The following GPC5 variants were observed in gnomAD, a reference collection of about 807,000 sequenced individuals.
The protein encoded by GPC5 is glypican 5, also known as glypican-5.
A neutral mutation model predicts 53.9 loss-of-function variants in GPC5; 47 were observed. That is an observed-to-expected ratio of 0.87 (90% CI 0.69 to 1.11). GPC5 has a LOEUF of 1.11. Among genes scored for constraint, GPC5 ranks in the 50% most tolerant of loss-of-function variants. The pLI is 0.00. For missense variants in GPC5, 748 were observed against 713.1 expected, an observed-to-expected ratio of 1.05 and a Z score of -0.56; for synonymous variants, 286 against 263.3, an observed-to-expected ratio of 1.09 and a Z score of -0.84.
intron 5 of GPC5, among the ~76,000 whole-genome samples, chr13:91,856,136 T>C (rs2038964489): frequency 6.6e-6 from 1 of 151,636 alleles, no homozygotes; most frequent in Admixed American, 6.6e-5. Context: ...TTTTCATTGC[T>C]AAGTAGTATT....
chr13:91,416,225 G>A (rs1381572494), intron 1 of GPC5, among the ~76,000 whole-genome samples: 1 of 152,082 alleles, frequency 6.6e-6, no homozygotes, highest in African/African-American at 2.4e-5. Context: ...TCCTTCAGAT[G>A]CCATTTTTAA....
At chr13:91,641,168 A>G (rs2139487462) in intron 2 of GPC5, among the ~76,000 whole-genome samples, 1 of 152,222 alleles carries the variant, frequency 6.6e-6, no homozygotes, top group South Asian at 2.1e-4. Context: ...TTTACTAAAA[A>G]TACAAAAAAA....
At chr13:92,177,365 T>A (rs900691407) in intron 7 of GPC5, among the ~76,000 whole-genome samples, 1 of 152,216 alleles carries the variant, frequency 6.6e-6, no homozygotes, top group Non-Finnish European at 1.5e-5. Context: ...TTTTCAAAGG[T>A]GTGTTAGCGT....
At chr13:92,818,230 G>A (rs542622740) in intron 7 of GPC5, among the ~76,000 whole-genome samples, 3 of 151,832 alleles carry the variant, frequency 2.0e-5, no homozygotes, top group East Asian at 1.9e-4. Context: ...GGCTGGTCTC[G>A]AACTCCTGAC....
At chr13:91,720,212 G>A (rs2036434326) in intron 3 of GPC5, among the ~76,000 whole-genome samples, 1 of 152,058 alleles carries the variant, frequency 6.6e-6, no homozygotes, top group Admixed American at 6.6e-5. Flanking sequence ...AATGATTTGT[G>A]TATTTCTTAT....
intron 2 of GPC5, among the ~76,000 whole-genome samples, chr13:91,596,773 C>T (rs113950598): frequency 6.9e-4 from 105 of 152,248 alleles, no homozygotes; most frequent in African/African-American, 2.3e-3. Flanking sequence ...TATGAGGTTT[C>T]CCAGTGTTGC....
At chr13:91,512,614 G>A (rs951548614) in intron 2 of GPC5, among the ~76,000 whole-genome samples, 1 of 152,202 alleles carries the variant, frequency 6.6e-6, no homozygotes, top group Admixed American at 6.5e-5. Flanking sequence ...TTGGTGTATA[G>A]GCCCTTAACG....
chr13:92,143,600 T>A (rs74106137), intron 6 of GPC5, among the ~76,000 whole-genome samples: 9,074 of 152,196 alleles, frequency 0.06, 799 homozygotes, highest in African/African-American at 0.19. Context: ...AAATAAGAAT[T>A]TAAAAATTAC....
intron 7 of GPC5, among the ~76,000 whole-genome samples, chr13:92,304,982 G>A (rs1249739426): frequency 6.6e-6 from 1 of 152,134 alleles, no homozygotes; most frequent in African/African-American, 2.4e-5. Context: ...ATGAGATCGG[G>A]TGCGTTCAGG....
chr13:91,442,496 C>A (rs1323219299), intron 1 of GPC5, among the ~76,000 whole-genome samples: 1 of 152,154 alleles, frequency 6.6e-6, no homozygotes, highest in East Asian at 1.9e-4. Context: ...ATCTCTAGAA[C>A]TTTATTTTGT....
intron 7 of GPC5, among the ~76,000 whole-genome samples, chr13:92,292,288 G>T (rs2043002293): frequency 6.6e-6 from 1 of 152,134 alleles, no homozygotes; most frequent in Non-Finnish European, 1.5e-5. Context: ...TTGTACTAGT[G>T]TACATTCCCA....
At chr13:92,677,675 C>T (rs1886992459) in intron 7 of GPC5, among the ~76,000 whole-genome samples, 1 of 152,150 alleles carries the variant, frequency 6.6e-6, no homozygotes, top group African/African-American at 2.4e-5. Context: ...AACAGACGTG[C>T]AGAGGCAAAA....
intron 7 of GPC5, among the ~76,000 whole-genome samples, chr13:92,293,787 T>G (rs2043014795): frequency 6.6e-6 from 1 of 152,146 alleles, no homozygotes; most frequent in African/African-American, 2.4e-5. Flanking sequence ...GAGGGAATGG[T>G]TTCAACTTTT....
chr13:92,513,831 G>T (rs75423663), intron 7 of GPC5, among the ~76,000 whole-genome samples: 13 of 152,120 alleles, frequency 8.5e-5, no homozygotes, highest in Non-Finnish European at 1.8e-4. Flanking sequence ...TAGTAATTTT[G>T]TTCACAAAAC....
At chr13:91,836,177 TA>T (rs544761086) in intron 5 of GPC5, among the ~76,000 whole-genome samples, 3 of 152,070 alleles carry the variant, frequency 2.0e-5, no homozygotes, top group Non-Finnish European at 4.4e-5. Context: ...ATGTTGTAAT[TA>T]AAAACTATTG....
At chr13:92,682,996 A>G (rs1332025280) in intron 7 of GPC5, among the ~76,000 whole-genome samples, 1 of 152,176 alleles carries the variant, frequency 6.6e-6, no homozygotes, top group Admixed American at 6.5e-5. Context: ...GACAAAACCC[A>G]GTGTAGTCAA....
intron 7 of GPC5, among the ~76,000 whole-genome samples, chr13:92,666,230 T>G (rs1345333176): frequency 6.6e-6 from 1 of 152,208 alleles, no homozygotes; most frequent in Non-Finnish European, 1.5e-5. Context: ...ATGGATTTTT[T>G]TCCCTAGTGT....
chr13:92,112,598 GA>G (rs2041566213), intron 6 of GPC5, among the ~76,000 whole-genome samples: 1 of 152,116 alleles, frequency 6.6e-6, no homozygotes, highest in African/African-American at 2.4e-5. Flanking sequence ...GAAGGCAAAT[GA>G]TAGTGGATTA....
rs1462656797 is a variant in GPC5 at position 91,509,392 on chromosome 13, A to C, written c.325+60470A>C. ...TTCAATTAGGTCTTTAAAAGTGCTC[A>C]TAAAGAAGGCTTAACATATTCATAT... On this transcript the variant is annotated intron_variant, in intron 2 of 7. Coordinates refer to ENST00000377067, the MANE Select transcript of GPC5 (RefSeq NM_004466.6). Among the ~76,000 whole-genome samples, 4 of 150,980 alleles carry C rather than the reference A, an allele frequency of 2.6e-5. 1 individual carries two copies. The highest frequency in any genetic ancestry group is 5.9e-5 in the Non-Finnish European group (4 of 67,760).
Sources: gnomAD v4.1 joint callset for allele counts (sites outside exome capture counted in the v4.1 genomes callset) on GRCh38, gnomAD v4.1.1 for gene constraint, MANE v1.5 for transcripts, NCBI Gene and HGNC (gene_info 2026-07-23, HGNC 2026-07-21) for gene names.